Variants in NDUFS4 observed in about 807,000 individuals in gnomAD.
NDUFS4 encodes the protein NADH dehydrogenase [ubiquinone] iron-sulfur protein 4, mitochondrial.
In NDUFS4, 28 loss-of-function variants were observed where a neutral mutation model predicts 24.3. The observed-to-expected ratio is 1.15, with a 90% confidence interval of 0.85 to 1.58. The LOEUF is 1.58. NDUFS4 is among the 40% of genes most tolerant of loss of function. NDUFS4 has a pLI of 0.00. For synonymous variants in NDUFS4, 93 were observed against 69.7 expected (o/e 1.34, Z -1.67); for missense variants, 223 against 207.9 (o/e 1.07, Z -0.45).
chr5:53,571,823 G>GCA (rs1749218787), intron 1 of NDUFS4, among the ~76,000 whole-genome samples: 1 of 152,178 alleles, frequency 6.6e-6, no homozygotes, highest in African/African-American at 2.4e-5. Context: ...GGCAAATGAT[G>GCA]TTGAACTTTG....
intron 4 of NDUFS4, among the ~76,000 whole-genome samples, chr5:53,680,581 A>T (rs1401461644): frequency 6.6e-6 from 1 of 152,156 alleles, no homozygotes; most frequent in East Asian, 1.9e-4. Context: ...CATTCTCAGT[A>T]AACTATCGCA....
intron 2 of NDUFS4, among the ~76,000 whole-genome samples, chr5:53,632,521 C>T (rs1274233703): frequency 2.0e-5 from 3 of 152,186 alleles, no homozygotes; most frequent in African/African-American, 4.8e-5. Flanking sequence ...CTTAACTCCT[C>T]TTCAGAACTC....
chr5:53,591,467 G>GGC (rs1554054838), intron 1 of NDUFS4, among the ~76,000 whole-genome samples: 2 of 135,606 alleles, frequency 1.5e-5, no homozygotes, highest in South Asian at 5.4e-4. Flanking sequence ...TTTTTGGGGG[G>GGC]GGGGGGTGAT....
At chr5:53,655,741 A>G (rs1348186884) in intron 3 of NDUFS4, among the ~76,000 whole-genome samples, 1 of 152,186 alleles carries the variant, frequency 6.6e-6, no homozygotes, top group African/African-American at 2.4e-5. Flanking sequence ...TGATAGATCC[A>G]CCTTGAACTT....
chr5:53,646,054 G>T, intron 2 of NDUFS4, 179 bp from the exon 3 acceptor site: 1 of 557,204 alleles, frequency 1.8e-6, no homozygotes, highest in Non-Finnish European at 3.2e-6. Flanking sequence ...ACCATTTACA[G>T]GTATCTAAAT....
chr5:53,639,928 G>C (rs560262375), intron 2 of NDUFS4, among the ~76,000 whole-genome samples: 1 of 152,202 alleles, frequency 6.6e-6, no homozygotes, highest in East Asian at 1.9e-4. Context: ...CCAGGGAGGA[G>C]TTTTATAACA....
At chr5:53,569,449 A>G (rs371850246) in intron 1 of NDUFS4, among the ~76,000 whole-genome samples, 103 of 152,254 alleles carry the variant, frequency 6.8e-4, no homozygotes, top group African/African-American at 2.4e-3. Context: ...CTATCTTTGT[A>G]GGTTAACTCT....
chr5:53,640,255 A>G (rs1329727818), intron 2 of NDUFS4, among the ~76,000 whole-genome samples: 2 of 152,090 alleles, frequency 1.3e-5, no homozygotes, highest in African/African-American at 4.8e-5. Context: ...GAACATATCA[A>G]GATTCAAAGT....
chr5:53,642,059 G>T (rs989406733), intron 2 of NDUFS4, among the ~76,000 whole-genome samples: 1 of 152,236 alleles, frequency 6.6e-6, no homozygotes, highest in Non-Finnish European at 1.5e-5. Context: ...TTTTCTGGGC[G>T]TACTGAGAGA....
intron 1 of NDUFS4, among the ~76,000 whole-genome samples, chr5:53,563,935 T>C (rs186038720): frequency 6.6e-6 from 1 of 152,368 alleles, no homozygotes; most frequent in Non-Finnish European, 1.5e-5. Flanking sequence ...ACTTAAGATA[T>C]TTGATGCAGT....
At chr5:53,604,715 CCT>C (rs765444498) in intron 2 of NDUFS4, 6 of 455,536 alleles carry the variant, frequency 1.3e-5, no homozygotes, top group South Asian at 3.1e-5. Flanking sequence ...CTCCTGCCTT[CCT>C]CTCTAGGTTT....
intron 2 of NDUFS4, among the ~76,000 whole-genome samples, chr5:53,604,502 T>C (rs1228020593): frequency 6.6e-6 from 1 of 152,218 alleles, no homozygotes; most frequent in Non-Finnish European, 1.5e-5. Context: ...GGTTACATCA[T>C]CTTTCACCTA....
chr5:53,651,074 G>C (rs1332103076), intron 3 of NDUFS4, among the ~76,000 whole-genome samples: 1 of 152,076 alleles, frequency 6.6e-6, no homozygotes, highest in Non-Finnish European at 1.5e-5. Context: ...AATAGACCTT[G>C]TCTGCAATTG....
At position 53,560,895 on chromosome 5, in the gene NDUFS4, G is replaced by A. The variant is rs1193203126; in HGVS notation, c.98+135G>A. ...CCCTTTTCTCGGGAGAAGTCGGGCG[G>A]ACTAGGGACTGTCTGCTATCAATGG... On this transcript the variant is annotated intron_variant, in intron 1 of 4. Coordinates refer to ENST00000296684, the MANE Select transcript of NDUFS4 (RefSeq NM_002495.4). 5.9e-6 allele frequency: 9 copies of A among 1,534,170 alleles called. No individual in the cohort carries two copies. The African/African-American group carries it at 9.6e-5, about 16-fold the overall frequency.
At chr5:53,576,046 A>G (rs1749379318) in intron 1 of NDUFS4, among the ~76,000 whole-genome samples, 1 of 152,262 alleles carries the variant, frequency 6.6e-6, no homozygotes, top group South Asian at 2.1e-4. Flanking sequence ...GGTTTAGACC[A>G]TCAAACAATA....
chr5:53,655,414 C>T (rs916501627), intron 3 of NDUFS4, among the ~76,000 whole-genome samples: 3 of 122,366 alleles, frequency 2.5e-5, no homozygotes, highest in Admixed American at 1.7e-4. Context: ...TTTATGTGCT[C>T]TTTTGTGACT....
intron 1 of NDUFS4, among the ~76,000 whole-genome samples, chr5:53,601,295 G>A (rs919754111): frequency 3.9e-5 from 6 of 152,092 alleles, no homozygotes; most frequent in African/African-American, 7.2e-5. Flanking sequence ...GAGCCACCGC[G>A]CCCGGCTACA....
intron 2 of NDUFS4, chr5:53,604,709 T>C (rs1341727986): frequency 2.2e-6 from 1 of 455,606 alleles, no homozygotes; most frequent in Non-Finnish European, 4.4e-6. Flanking sequence ...ATTTAGCTCC[T>C]GCCTTCCTCT....
At chr5:53,681,207 G>T (rs1178644220) in intron 4 of NDUFS4, among the ~76,000 whole-genome samples, 1 of 152,104 alleles carries the variant, frequency 6.6e-6, no homozygotes, top group Non-Finnish European at 1.5e-5. Context: ...GTAGCCTCCA[G>T]AATCTGGCCG....
Sources: allele counts gnomAD v4.1 joint callset (sites outside exome capture counted in the v4.1 genomes callset), GRCh38; gene constraint gnomAD v4.1.1; transcripts MANE v1.5; gene names NCBI Gene and HGNC (gene_info 2026-07-23, HGNC 2026-07-21).